The following POLK variants were observed in gnomAD, a reference collection of about 807,000 sequenced individuals.
POLK encodes polymerase (DNA directed) kappa.
POLK carries 76 observed loss-of-function variants against 94.0 expected under a neutral mutation model. That is an observed-to-expected ratio of 0.81 (90% CI 0.67 to 0.98). The LOEUF (loss-of-function observed/expected upper bound fraction) is 0.98, where lower values mean the gene tolerates loss of function less well. Among genes scored for constraint, POLK ranks in the 50% least tolerant of loss-of-function variants. POLK has a pLI of 0.00. For synonymous variants in POLK, 349 were observed against 325.4 expected (o/e 1.07, Z -0.78); for missense variants, 954 against 1,010.1 (o/e 0.94, Z 0.75).
At chr5:75,556,586 C>T (rs1770633534) in intron 3 of POLK, among the ~76,000 whole-genome samples, 1 of 152,132 alleles carries the variant, frequency 6.6e-6, no homozygotes, top group Non-Finnish European at 1.5e-5. Context: ...TAGTCATCAT[C>T]AAATCCAAGT....
chr5:75,531,364 A>G (rs1030506673), intron 1 of POLK, among the ~76,000 whole-genome samples: 1 of 151,230 alleles, frequency 6.6e-6, no homozygotes, highest in African/African-American at 2.4e-5. Flanking sequence ...GTATATAGCT[A>G]TATAGTATAT....
chr5:75,562,320 T>C (rs1771032192), intron 3 of POLK, among the ~76,000 whole-genome samples: 1 of 152,210 alleles, frequency 6.6e-6, no homozygotes, highest in Non-Finnish European at 1.5e-5. Flanking sequence ...GTTTGTCTAT[T>C]GGTGTATAGG....
the POLK span, among the ~76,000 whole-genome samples, chr5:75,607,743 A>C: frequency 1.6e-4 from 24 of 152,186 alleles, no homozygotes; most frequent in Non-Finnish European, 3.1e-4. Flanking sequence ...CAAATTAAAA[A>C]ATTGTTTAAG....
At chr5:75,524,945 C>G (rs1362870608) in intron 1 of POLK, among the ~76,000 whole-genome samples, 3 of 152,184 alleles carry the variant, frequency 2.0e-5, no homozygotes, top group African/African-American at 7.2e-5. Context: ...CATGCATGCC[C>G]ACGGCAAATT....
chr5:75,599,761 A>G (rs1421347896), exon 15 of POLK: 4 of 152,178 alleles, frequency 2.6e-5, no homozygotes, highest in African/African-American at 7.2e-5. Flanking sequence ...ATGTAGTTGA[A>G]TATTATCATT....
rs1183265560 is a variant in POLK, at chr5:75,581,152, TTATGAAG to T, written c.695-53_695-47del. ...CAGAAATAATGTAGGGAAACCTAAC[TTATGAAG>T]TATATACTTCTTAAAATAAAGGTGA... On this transcript the variant is annotated intron_variant, in intron 6 of 14. Coordinates refer to ENST00000241436, the Ensembl canonical transcript of POLK. 3 of 1,254,412 alleles carry T rather than the reference TTATGAAG, an allele frequency of 2.4e-6. No individual in the cohort carries two copies. In the African/African-American group the frequency reaches 4.5e-5, roughly 19 times the overall value. 77.7% of individuals were successfully genotyped at this position (1,254,412 alleles called of 1,614,324 possible). A position where few individuals can be genotyped will look rare whatever the true frequency, so the allele number is the denominator to read the frequency against.
downstream of POLK, among the ~76,000 whole-genome samples, chr5:75,603,875 T>G (rs977924623): frequency 3.3e-5 from 5 of 152,212 alleles, no homozygotes; most frequent in Middle Eastern, 3.2e-3. Flanking sequence ...GATCAGTCAC[T>G]ATTTTTTGCT....
In POLK at chr5:75,596,783, C is replaced by A; in HGVS notation, c.2090C>A (p.Ser697Ter). ...CATCCAAAAATTAAAGAAATATCTTCAGTAGATTGTATAGCTTTAGTAGAT... is the reference window on the plus strand; with the variant it reads ...CATCCAAAAATTAAAGAAATATCTTAAGTAGATTGTATAGCTTTAGTAGAT... The change falls in exon 13 of 15, where the codon TCA becomes TAA. Residue 697 changes from serine (S) to a stop codon, truncating the protein, a stop_gained. Transcript: ENST00000241436. LOFTEE classifies it high-confidence loss of function. The A allele has an allele frequency of 6.2e-7, 1 of 1,612,044 alleles. No individual in the cohort carries two copies. The highest frequency in any genetic ancestry group is 8.5e-7 in the Non-Finnish European group (1 of 1,179,040).
At chr5:75,597,052 A>G in exon 13 of POLK, 5 of 1,613,686 alleles carry the variant, frequency 3.1e-6, no homozygotes, top group Non-Finnish European at 4.2e-6. Context: ...CGTAGAACAA[A>G]AGACTTCAGA....
chr5:75,562,457 A>C (rs889384778), intron 3 of POLK, among the ~76,000 whole-genome samples: 1 of 152,230 alleles, frequency 6.6e-6, no homozygotes, highest in African/African-American at 2.4e-5. Context: ...ACCTGCAAAC[A>C]GAGGTAATTT....
intron 3 of POLK, among the ~76,000 whole-genome samples, chr5:75,566,483 G>A (rs749229165): frequency 6.6e-6 from 1 of 152,178 alleles, no homozygotes; most frequent in Non-Finnish European, 1.5e-5. Flanking sequence ...GAAACCCAGG[G>A]CCCTGGTTGT....
chr5:75,511,047 C>T (rs1767952395), upstream of POLK: 2 of 1,462,146 alleles, frequency 1.4e-6, no homozygotes, highest in South Asian at 1.4e-5. Context: ...ACCCCACCGC[C>T]TCAGCGGATT....
intron 1 of POLK, among the ~76,000 whole-genome samples, chr5:75,529,384 GACCTACCCCCATGACCCAAAC>G (rs6149071): frequency 0.12 from 18,944 of 152,012 alleles, 1,302 homozygotes; most frequent in East Asian, 0.23. Flanking sequence ...CATAGGTCAT[GACCTACCCCCATGACCCAAAC>G]ACCTCCCACT....
chr5:75,600,440 A>G (rs774581595), exon 15 of POLK: 3 of 152,208 alleles, frequency 2.0e-5, no homozygotes, highest in Non-Finnish European at 4.4e-5. Context: ...TGCACTCTGA[A>G]GTATACATCT....
chr5:75,569,406 A>C, exon 4 of POLK: 1 of 1,613,640 alleles, frequency 6.2e-7, no homozygotes, highest in East Asian at 2.2e-5. Flanking sequence ...GCACATTGAC[A>C]TGGATGCTTT....
intron 1 of POLK, among the ~76,000 whole-genome samples, chr5:75,544,647 G>A (rs1206804607): frequency 6.6e-6 from 1 of 151,836 alleles, no homozygotes; most frequent in Non-Finnish European, 1.5e-5. Context: ...GTCTCTGAAT[G>A]AATGAATGAA....
chr5:75,542,089 C>T (rs1769770414), intron 1 of POLK, among the ~76,000 whole-genome samples: 1 of 152,112 alleles, frequency 6.6e-6, no homozygotes, highest in African/African-American at 2.4e-5. Context: ...AGCATTTAAT[C>T]ACATTCTGAA....
intron 2 of POLK, among the ~76,000 whole-genome samples, chr5:75,549,231 G>A (rs1580992271): frequency 6.6e-6 from 1 of 152,032 alleles, no homozygotes; most frequent in African/African-American, 2.4e-5. Flanking sequence ...AATAGAATAT[G>A]TAGGTTACCC....
the POLK span, among the ~76,000 whole-genome samples, chr5:75,607,291 A>G: frequency 3.3e-5 from 5 of 151,910 alleles, no homozygotes; most frequent in South Asian, 1.0e-3. Flanking sequence ...AGATGGTGAA[A>G]CCCCGTCTCT....
Sources: allele counts gnomAD v4.1 joint callset (sites outside exome capture counted in the v4.1 genomes callset), GRCh38; gene constraint gnomAD v4.1.1; transcripts MANE v1.5; gene names NCBI Gene and HGNC (gene_info 2026-07-23, HGNC 2026-07-21).